Variants in MED13 observed in about 807,000 individuals in gnomAD.
MED13 encodes the protein mediator of RNA polymerase II transcription subunit 13.
MED13 carries 23 observed loss-of-function variants against 225.2 expected under a neutral mutation model. The ratio of observed to expected loss-of-function variants is 0.10; its 90% CI spans 0.07 to 0.14. MED13 has a LOEUF of 0.14. Ranked by LOEUF, MED13 falls within the 10% of genes least tolerant of loss-of-function variation. MED13 has a pLI of 1.00. For synonymous variants in MED13, 942 were observed against 889.2 expected (o/e 1.06, Z -1.06); for missense variants, 2,197 against 2,594.5 (o/e 0.85, Z 3.33).
At chr17:62,017,568 G>C (rs2080595339) in intron 8 of MED13, among the ~76,000 whole-genome samples, 1 of 152,130 alleles carries the variant, frequency 6.6e-6, no homozygotes, top group African/African-American at 2.4e-5. Context: ...AACAGTATCT[G>C]ACTTTTTTAT....
chr17:62,026,476 A>AT (rs1237716336), intron 8 of MED13, among the ~76,000 whole-genome samples: 2 of 149,238 alleles, frequency 1.3e-5, no homozygotes, highest in African/African-American at 5.0e-5. Context: ...TGTATTTATC[A>AT]TTAAAAAAAA....
intron 9 of MED13, chr17:62,005,604 T>C (rs978781852): frequency 6.6e-6 from 1 of 151,792 alleles, no homozygotes; most frequent in Admixed American, 6.6e-5. Flanking sequence ...AGACTCTGTC[T>C]CAAAATAAAT....
At chr17:61,995,399 A>T in intron 9 of MED13, 34 bp from the exon 10 acceptor site, 7 of 1,486,936 alleles carry the variant, frequency 4.7e-6, no homozygotes, top group Non-Finnish European at 5.4e-6. Context: ...TTAATTATCC[A>T]CATAAGCATT....
chr17:61,972,690 T>C (rs1467479430), intron 17 of MED13, 37 bp downstream of exon 17: 2 of 1,520,778 alleles, frequency 1.3e-6, no homozygotes, highest in Non-Finnish European at 1.8e-6. Context: ...AGGACTGATA[T>C]AAAATTAGTC....
At chr17:61,978,431 T>C (rs542597344) in intron 16 of MED13, among the ~76,000 whole-genome samples, 5 of 152,254 alleles carry the variant, frequency 3.3e-5, no homozygotes, top group African/African-American at 1.2e-4. Flanking sequence ...TTTGTATTTT[T>C]AGTAGAGATG....
intron 20 of MED13, 83 bp downstream of exon 20, chr17:61,964,923 G>T: frequency 7.6e-7 from 1 of 1,321,804 alleles, no homozygotes; most frequent in South Asian, 1.5e-5. Flanking sequence ...GCAAAAGAGT[G>T]AGACTGTGTC....
In MED13 at chr17:62,064,578, A is replaced by G. The variant is rs939158683; in HGVS notation, c.66+562T>C. ...TGTTTTCAAAGTTTAAAAAGAAAAC[A>G]TATGAAATGGCACCTACTGGCTTTT... is the stretch of plus-strand genomic sequence containing the variant. On this transcript the variant is annotated intron_variant, in intron 1 of 29. Coordinates refer to ENST00000397786, the MANE Select transcript of MED13 (RefSeq NM_005121.3). Among the ~76,000 whole-genome samples, 13 of 152,370 alleles carry G rather than the reference A, an allele frequency of 8.5e-5. 1 individual carries two copies. The highest frequency in any genetic ancestry group is 3.9e-4 in the East Asian group (2 of 5,188).
At chr17:61,947,386 CTTTA>C (rs1024334988) in intron 28 of MED13, among the ~76,000 whole-genome samples, 11 of 152,038 alleles carry the variant, frequency 7.2e-5, no homozygotes, top group African/African-American at 2.7e-4. Flanking sequence ...TTTTCTTTAG[CTTTA>C]TTGTTTTTGA....
intron 8 of MED13, among the ~76,000 whole-genome samples, chr17:62,017,198 AAC>A (rs1299668237): frequency 2.0e-5 from 3 of 150,254 alleles, no homozygotes; most frequent in Middle Eastern, 3.2e-3. Flanking sequence ...CTAATAACAA[AAC>A]AGAGTAGAAC....
chr17:61,992,917 C>T (rs1021153858), intron 10 of MED13, among the ~76,000 whole-genome samples: 7 of 152,232 alleles, frequency 4.6e-5, no homozygotes, highest in Middle Eastern at 3.4e-3. Flanking sequence ...CAGACACATG[C>T]CACCACGCCC....
chr17:62,048,048 ATATATATATATATATGTATATATG>A (rs2080916051), intron 3 of MED13, among the ~76,000 whole-genome samples: 1 of 133,970 alleles, frequency 7.5e-6, no homozygotes, highest in Non-Finnish European at 1.6e-5. Flanking sequence ...ATATACATAT[ATATATATATATATATGTATATATG>A]TATATATATA....
chr17:61,949,084 T>A (rs1189931501), intron 28 of MED13, among the ~76,000 whole-genome samples: 1 of 148,638 alleles, frequency 6.7e-6, no homozygotes, highest in Non-Finnish European at 1.5e-5. Context: ...CGAGACTCCG[T>A]CTCAAAAAAA....
intron 28 of MED13, 152 bp from the exon 29 acceptor site, chr17:61,947,169 C>T: frequency 1.0e-4 from 44 of 424,176 alleles, no homozygotes; most frequent in South Asian, 3.2e-4. Flanking sequence ...TGCTTGTTCT[C>T]TTTTAACTAA....
Position 62,052,597 on chromosome 17 carries a change from A to G in MED13, c.410T>C (p.Val137Ala). The change falls in exon 3 of 30, where the codon GTA (valine) becomes GCA (alanine). Residue 137 changes from valine (V) to alanine (A), a missense_variant. Val to Ala is a moderately conservative substitution (Grantham distance 64). This residue lies in a region of MED13 where 884 missense variants were observed against 918.5 expected (regional missense o/e 0.96). Transcript: ENST00000397786. ...LERCLMNRNF[V>A]RIGKWFVKPY... is the part of the protein sequence containing the mutation. Reference sequence around the variant, plus strand: ...CTTTACAAACCACTTGCCAATACGTACAAAATTCCTGTTCATTAAACACCG... The same window carrying G: ...CTTTACAAACCACTTGCCAATACGTGCAAAATTCCTGTTCATTAAACACCG... 6.3e-7 allele frequency: 1 copy of G among 1,599,098 alleles called. No homozygotes were observed. Among genetic ancestry groups the G allele is most frequent in the Non-Finnish European group, 8.5e-7 (1 of 1,171,668 alleles).
At chr17:62,054,547 C>T (rs1313550820) in intron 2 of MED13, among the ~76,000 whole-genome samples, 1 of 152,088 alleles carries the variant, frequency 6.6e-6, no homozygotes, top group African/African-American at 2.4e-5. Flanking sequence ...AATAGAGAAG[C>T]AGCACAAAGT....
At chr17:62,044,892 C>T (rs1325722577) in intron 3 of MED13, among the ~76,000 whole-genome samples, 2 of 152,202 alleles carry the variant, frequency 1.3e-5, no homozygotes, top group African/African-American at 4.8e-5. Context: ...GAACTCCTGA[C>T]CTCAAGTGAT....
chr17:62,011,005 A>G lies in MED13; in HGVS notation c.1512T>C (p.Ser504=). Residue 504 remains serine, a synonymous_variant, in exon 9 of 30, where the codon AGT becomes AGC. Coordinates refer to ENST00000397786, the MANE Select transcript of MED13 (RefSeq NM_005121.3). ...SQRLVISAPD[S]QVRFSNIRTN... is the part of the protein sequence containing the mutation. ...TTCGGATATTTGAAAATCTCACTTG[A>G]CTGTCTGGAGCAGAGATCACAAGTC... 6.2e-7 allele frequency: 1 copy of G among 1,613,700 alleles called. No individual in the cohort carries two copies. The highest frequency in any genetic ancestry group is 8.5e-7 in the Non-Finnish European group (1 of 1,179,612).
intron 10 of MED13, among the ~76,000 whole-genome samples, chr17:61,993,367 A>G (rs1430053733): frequency 6.6e-6 from 1 of 150,868 alleles, no homozygotes; most frequent in African/African-American, 2.4e-5. Flanking sequence ...ACACCTGGCT[A>G]ATTTTTGTAT....
At chr17:62,023,637 G>C (rs767008222) in intron 8 of MED13, among the ~76,000 whole-genome samples, 3 of 152,170 alleles carry the variant, frequency 2.0e-5, no homozygotes, top group Non-Finnish European at 2.9e-5. Context: ...AACGAGTCTA[G>C]GAAATTTAAT....
Sources: allele counts gnomAD v4.1 joint callset (sites outside exome capture counted in the v4.1 genomes callset), GRCh38; gene constraint gnomAD v4.1.1; regional missense constraint gnomAD v4.1.1; transcripts MANE v1.5; gene names NCBI Gene and HGNC (gene_info 2026-07-23, HGNC 2026-07-21).